The following GMDS variants were observed in gnomAD, a reference collection of about 807,000 sequenced individuals.
The protein encoded by GMDS is GDP-mannose 4,6-dehydratase, also known as GDP-mannose 4,6 dehydratase.
A neutral mutation model predicts 49.9 loss-of-function variants in GMDS; 20 were observed. The ratio of observed to expected loss-of-function variants is 0.40; its 90% confidence interval spans 0.28 to 0.58. GMDS has a LOEUF of 0.58. Ranked by LOEUF, GMDS falls within the 20% of genes least tolerant of loss-of-function variation. The pLI is 0.42. For missense variants in GMDS, 362 were observed against 481.4 expected (o/e 0.75, Z 2.32); for synonymous variants, 177 against 178.6 (o/e 0.99, Z 0.07).
At chr6:1,816,798 C>G (rs1408344509) in intron 7 of GMDS, among the ~76,000 whole-genome samples, 7 of 151,606 alleles carry the variant, frequency 4.6e-5, no homozygotes, top group Admixed American at 6.6e-5. Flanking sequence ...TCTCCTTCTT[C>G]TTCTTTTTTT....
At chr6:1,739,441 CGTTCTTCTGCAATAGCATCCTGCT>C (rs1048549119) in intron 8 of GMDS, among the ~76,000 whole-genome samples, 24 of 152,244 alleles carry the variant, frequency 1.6e-4, no homozygotes, top group African/African-American at 5.5e-4. Flanking sequence ...CACATCCTGC[CGTTCTTCTGCAATAGCATCCTGCT>C]ATAGGGGAAG....
chr6:1,726,552 TG>T, intron 8 of GMDS, 40 bp from the exon 9 acceptor site: 1 of 1,448,272 alleles, frequency 6.9e-7, no homozygotes, highest in Non-Finnish European at 9.7e-7. Context: ...CCTAATTGCT[TG>T]GGAACATTTG....
chr6:1,819,775 AAATATAT>A (rs1561825379), intron 7 of GMDS, among the ~76,000 whole-genome samples: 1 of 100,006 alleles, frequency 1.0e-5, no homozygotes, highest in African/African-American at 3.4e-5. Context: ...AAAAAAAAAA[AAATATAT>A]ATATATATAT....
At chr6:2,173,879 T>C (rs1481866562) in intron 1 of GMDS, among the ~76,000 whole-genome samples, 2 of 152,226 alleles carry the variant, frequency 1.3e-5, no homozygotes, top group Admixed American at 1.3e-4. Flanking sequence ...CTGAGTAACA[T>C]TTCTTCTCAT....
intron 7 of GMDS, among the ~76,000 whole-genome samples, chr6:1,874,671 A>G (rs1758943718): frequency 6.6e-6 from 1 of 152,220 alleles, no homozygotes; most frequent in African/African-American, 2.4e-5. Context: ...TATTTAATAT[A>G]CATGTGTATA....
chr6:2,195,683 G>A (rs764120535), intron 1 of GMDS, among the ~76,000 whole-genome samples: 24 of 151,820 alleles, frequency 1.6e-4, no homozygotes, highest in Non-Finnish European at 2.8e-4. Context: ...ATAAGACAAT[G>A]TAAACCATGG....
chr6:1,624,941 C>T (rs1331975323), intron 9 of GMDS, among the ~76,000 whole-genome samples: 1 of 150,828 alleles, frequency 6.6e-6, no homozygotes, highest in Non-Finnish European at 1.5e-5. Flanking sequence ...AGTAAATCAC[C>T]AGGCGCCCCT....
chr6:2,000,903 T>C (rs942637381), intron 4 of GMDS, among the ~76,000 whole-genome samples: 16 of 152,344 alleles, frequency 1.1e-4, no homozygotes, highest in South Asian at 2.1e-4. Context: ...AACCAGCCGA[T>C]GGACATTCGG....
At chr6:1,687,707 C>T (rs1050926215) in intron 9 of GMDS, among the ~76,000 whole-genome samples, 1 of 152,050 alleles carries the variant, frequency 6.6e-6, no homozygotes, top group African/African-American at 2.4e-5. Flanking sequence ...AGAGAAGCCA[C>T]GGAGGCTTCT....
chr6:2,098,440 A>G (rs1426245480), intron 4 of GMDS, among the ~76,000 whole-genome samples: 1 of 152,252 alleles, frequency 6.6e-6, no homozygotes, highest in Admixed American at 6.5e-5. Flanking sequence ...ATTTTTAGCT[A>G]TCATAGATTA....
intron 4 of GMDS, among the ~76,000 whole-genome samples, chr6:2,053,345 A>T (rs1171371942): frequency 6.6e-6 from 1 of 152,124 alleles, no homozygotes; most frequent in African/African-American, 2.4e-5. Flanking sequence ...TGGTCTTGAC[A>T]AAGGGAAAGT....
At chr6:1,867,203 GAAA>G (rs1258569453) in intron 7 of GMDS, among the ~76,000 whole-genome samples, 1 of 152,194 alleles carries the variant, frequency 6.6e-6, no homozygotes, top group African/African-American at 2.4e-5. Context: ...TTTTAAAAGT[GAAA>G]ATGTTCACAT....
At chr6:1,849,374 T>C (rs1757553469) in intron 7 of GMDS, among the ~76,000 whole-genome samples, 1 of 152,202 alleles carries the variant, frequency 6.6e-6, no homozygotes, top group Admixed American at 6.5e-5. Context: ...TTCATCTTCA[T>C]GCACCTACAG....
chr6:1,811,711 A>G (rs919805650), intron 7 of GMDS, among the ~76,000 whole-genome samples: 1 of 152,076 alleles, frequency 6.6e-6, no homozygotes, highest in African/African-American at 2.4e-5. Context: ...CTCATCCTCC[A>G]CTGCCACTGC....
chr6:2,001,244 G>A (rs1766801029), intron 4 of GMDS, among the ~76,000 whole-genome samples: 1 of 152,160 alleles, frequency 6.6e-6, no homozygotes, highest in African/African-American at 2.4e-5. Flanking sequence ...AATGACTAAT[G>A]ATGTCAAGCA....
intron 7 of GMDS, among the ~76,000 whole-genome samples, chr6:1,904,664 C>T (rs1303771439): frequency 6.6e-6 from 1 of 152,216 alleles, no homozygotes; most frequent in African/African-American, 2.4e-5. Context: ...GGCTCCCACA[C>T]CAGCAATGCG....
intron 9 of GMDS, among the ~76,000 whole-genome samples, chr6:1,670,027 TG>T (rs1281039943): frequency 8.5e-5 from 12 of 140,370 alleles, no homozygotes; most frequent in African/African-American, 3.0e-4. Flanking sequence ...AGGGGCTGGG[TG>T]GGCTCCATAG....
rs146122135 is a variant in GMDS, at chr6:1,675,270, T to C, written c.988-50730A>G. On this transcript the variant is annotated intron_variant, in intron 9 of 10. Coordinates refer to ENST00000380815, the MANE Select transcript of GMDS (RefSeq NM_001500.4). ...TAGAATATGGAAAACCAATTGACTG[T>C]TGTATATTAAACTTGTATCGTGCAA... Among the ~76,000 whole-genome samples the C allele has an allele frequency of 9.1e-4, 139 of 152,312 alleles. 1 individual carries two copies. The highest frequency in any genetic ancestry group is 3.1e-3 in the African/African-American group (130 of 41,562).
At chr6:2,047,028 TAC>T (rs1234041924) in intron 4 of GMDS, among the ~76,000 whole-genome samples, 1 of 152,192 alleles carries the variant, frequency 6.6e-6, no homozygotes, top group Non-Finnish European at 1.5e-5. Flanking sequence ...AGCAGATTCA[TAC>T]ACACAAAGCA....
Sources: allele counts gnomAD v4.1 joint callset (sites outside exome capture counted in the v4.1 genomes callset), GRCh38; gene constraint gnomAD v4.1.1; transcripts MANE v1.5; gene names NCBI Gene and HGNC (gene_info 2026-07-23, HGNC 2026-07-21).